Variants in THEMIS observed in about 807,000 individuals in gnomAD.
THEMIS encodes the protein thymocyte selection associated.
Under a neutral mutation model 52.6 loss-of-function variants are expected in THEMIS, and 37 were observed. The observed-to-expected ratio is 0.70, with a 90% CI of 0.54 to 0.93. The LOEUF (loss-of-function observed/expected upper bound fraction) is 0.93. Ranked by LOEUF, THEMIS falls within the 40% of genes least tolerant of loss-of-function variation. THEMIS has a pLI of 0.00. For synonymous variants in THEMIS, 292 were observed against 272.7 expected, an observed-to-expected ratio of 1.07 and a Z score of -0.70; for missense variants, 808 against 763.1, an observed-to-expected ratio of 1.06 and a Z score of -0.69.
intron 1 of THEMIS, among the ~76,000 whole-genome samples, chr6:127,892,704 A>G (rs928602425): frequency 3.3e-5 from 5 of 152,244 alleles, no homozygotes; most frequent in Admixed American, 6.5e-5. Context: ...TTGGATGTTT[A>G]TAAACATTTT....
intron 2 of THEMIS, among the ~76,000 whole-genome samples, chr6:127,853,591 C>T (rs769741417): frequency 2.6e-5 from 4 of 151,614 alleles, no homozygotes; most frequent in Non-Finnish European, 5.9e-5. Context: ...ATCCTCACTT[C>T]AATATAGCTA....
intron 4 of THEMIS, among the ~76,000 whole-genome samples, chr6:127,760,099 A>C (rs1325875943): frequency 2.1e-5 from 3 of 139,880 alleles, no homozygotes; most frequent in African/African-American, 7.9e-5. Context: ...TTTTTTTTGC[A>C]TGTGGATTTC....
chr6:127,784,277 C>G (rs1369514630), intron 4 of THEMIS, among the ~76,000 whole-genome samples: 3 of 152,048 alleles, frequency 2.0e-5, no homozygotes, highest in Non-Finnish European at 2.9e-5. Flanking sequence ...AGGAGAATAC[C>G]TAATGTAGAT....
intron 1 of THEMIS, among the ~76,000 whole-genome samples, chr6:127,894,130 A>G (rs973444624): frequency 2.6e-5 from 4 of 152,150 alleles, no homozygotes; most frequent in African/African-American, 9.6e-5. Flanking sequence ...TGAGAGATTA[A>G]GCATATGAAA....
intron 1 of THEMIS, among the ~76,000 whole-genome samples, chr6:127,873,627 A>C (rs2114394038): frequency 6.6e-6 from 1 of 152,314 alleles, no homozygotes; most frequent in South Asian, 2.1e-4. Flanking sequence ...GGTTACCCTT[A>C]AACAATGTAG....
At chr6:127,845,079 C>G (rs1248347951) in intron 2 of THEMIS, among the ~76,000 whole-genome samples, 2 of 150,538 alleles carry the variant, frequency 1.3e-5, no homozygotes, top group African/African-American at 4.9e-5. Context: ...TCCAGTATAT[C>G]CCCTGAAAGT....
At chr6:127,731,864 ATTTTTTTTTTTT>A (rs58263706) in intron 4 of THEMIS, among the ~76,000 whole-genome samples, 1 of 41,704 alleles carries the variant, frequency 2.4e-5, no homozygotes, top group Admixed American at 4.6e-4. Context: ...TGCCCGGCTA[ATTTTTTTTTTTT>A]TTTTTTTTTT....
At chr6:127,738,937 A>G (rs1775101605) in intron 4 of THEMIS, among the ~76,000 whole-genome samples, 1 of 152,190 alleles carries the variant, frequency 6.6e-6, no homozygotes, top group Non-Finnish European at 1.5e-5. Flanking sequence ...ATAGCCAATT[A>G]CCACAAACAG....
chr6:127,887,915 T>C (rs925646406), intron 1 of THEMIS, among the ~76,000 whole-genome samples: 1 of 152,034 alleles, frequency 6.6e-6, no homozygotes, highest in African/African-American at 2.4e-5. Context: ...ATACCTAACT[T>C]ATACGTAAGA....
At position 127,829,940 on chromosome 6, in the gene THEMIS, A is replaced by G. The variant is rs767354814; in HGVS notation, c.251-6T>C. The G allele has an allele frequency of 2.5e-6, 4 of 1,590,812 alleles. No homozygotes were observed. Among genetic ancestry groups the G allele is most frequent in the Non-Finnish European group, 2.6e-6 (3 of 1,167,892 alleles). Reference sequence around the variant, plus strand: ...AGCCACAATCTTAAAAAGACCTAAGAACAGAATTACGTGAATTAAAAAGAG... The same window carrying G: ...AGCCACAATCTTAAAAAGACCTAAGGACAGAATTACGTGAATTAAAAAGAG... On this transcript the variant is annotated splice_region_variant and splice_polypyrimidine_tract_variant and intron_variant, in intron 2 of 5. Coordinates refer to ENST00000368248, the MANE Select transcript of THEMIS (RefSeq NM_001010923.3).
intron 5 of THEMIS, among the ~76,000 whole-genome samples, chr6:127,713,714 G>T (rs541380607): frequency 2.0e-5 from 3 of 151,946 alleles, no homozygotes; most frequent in East Asian, 3.9e-4. Flanking sequence ...ATGCCATTTA[G>T]ATAAAATAGT....
At chr6:127,845,342 T>G (rs1779178679) in intron 2 of THEMIS, among the ~76,000 whole-genome samples, 1 of 151,922 alleles carries the variant, frequency 6.6e-6, no homozygotes, top group Non-Finnish European at 1.5e-5. Flanking sequence ...CAGGTCAATT[T>G]TTTTCAAAAG....
chr6:127,816,358 C>T (rs1778135292), intron 3 of THEMIS, among the ~76,000 whole-genome samples: 1 of 152,144 alleles, frequency 6.6e-6, no homozygotes, highest in Admixed American at 6.5e-5. Context: ...CAAAGTATAG[C>T]TCCAGCCAAA....
At chr6:127,767,096 T>G (rs1776225206) in intron 4 of THEMIS, among the ~76,000 whole-genome samples, 1 of 149,578 alleles carries the variant, frequency 6.7e-6, no homozygotes, top group African/African-American at 2.5e-5. Flanking sequence ...TTTCTTTTTT[T>G]TTGTTTTTTT....
intron 4 of THEMIS, among the ~76,000 whole-genome samples, chr6:127,734,697 CCT>C (rs1372363230): frequency 2.0e-5 from 3 of 151,016 alleles, no homozygotes; most frequent in African/African-American, 7.3e-5. Flanking sequence ...GGTGAAACCC[CCT>C]CTCTACTAAA....
At chr6:127,779,847 C>T (rs1776685462) in intron 4 of THEMIS, among the ~76,000 whole-genome samples, 1 of 152,152 alleles carries the variant, frequency 6.6e-6, no homozygotes, top group South Asian at 2.1e-4. Context: ...TATATAGCTT[C>T]AATTTTCCTA....
At chr6:127,811,215 T>C (rs1216002326) in intron 4 of THEMIS, among the ~76,000 whole-genome samples, 1 of 152,182 alleles carries the variant, frequency 6.6e-6, no homozygotes, top group Non-Finnish European at 1.5e-5. Flanking sequence ...ATTATCAACT[T>C]AGTGGCTTAA....
At chr6:127,779,995 G>T (rs1191581534) in intron 4 of THEMIS, among the ~76,000 whole-genome samples, 1 of 152,194 alleles carries the variant, frequency 6.6e-6, no homozygotes, top group Non-Finnish European at 1.5e-5. Context: ...ATGGGCAGCA[G>T]AGTGTTAAAG....
chr6:127,850,524 G>C (rs552876759), intron 2 of THEMIS, among the ~76,000 whole-genome samples: 2 of 151,778 alleles, frequency 1.3e-5, no homozygotes, highest in African/African-American at 2.4e-5. Context: ...AAAAAATGTA[G>C]TATATATACA....
Sources: allele counts gnomAD v4.1 joint callset (sites outside exome capture counted in the v4.1 genomes callset), GRCh38; gene constraint gnomAD v4.1.1; transcripts MANE v1.5; gene names NCBI Gene and HGNC (gene_info 2026-07-23, HGNC 2026-07-21).